The following ANO3 variants were observed in gnomAD, a reference collection of about 807,000 sequenced individuals.
ANO3 encodes the protein anoctamin-3.
ANO3 carries 99 observed loss-of-function variants against 144.8 expected under a neutral mutation model. The ratio of observed to expected loss-of-function variants is 0.68; its 90% confidence interval spans 0.58 to 0.81. The LOEUF is 0.81. Among genes scored for constraint, ANO3 ranks in the 30% least tolerant of loss-of-function variants. The pLI is 0.00. For missense variants in ANO3, 905 were observed against 1,202.2 expected, an observed-to-expected ratio of 0.75 and a Z score of 3.66; for synonymous variants, 414 against 392.6, an observed-to-expected ratio of 1.05 and a Z score of -0.64.
chr11:26,467,554 G>A (rs1446559435), intron 4 of ANO3, among the ~76,000 whole-genome samples: 2 of 151,838 alleles, frequency 1.3e-5, no homozygotes, highest in African/African-American at 4.8e-5. Context: ...GTGCCTGACT[G>A]ATTTCCTTTA....
chr11:26,607,109 G>C (rs916169206), intron 17 of ANO3, among the ~76,000 whole-genome samples: 9 of 151,976 alleles, frequency 5.9e-5, no homozygotes, highest in African/African-American at 2.2e-4. Flanking sequence ...TCAAATATTG[G>C]CCCCACTCTC....
At chr11:26,553,946 T>C (rs1195383983) in intron 13 of ANO3, among the ~76,000 whole-genome samples, 1 of 152,188 alleles carries the variant, frequency 6.6e-6, no homozygotes, top group Non-Finnish European at 1.5e-5. Flanking sequence ...TATAGAAGTG[T>C]AATTAACATG....
chr11:26,505,751 T>C (rs148125152), intron 4 of ANO3, among the ~76,000 whole-genome samples: 173 of 152,058 alleles, frequency 1.1e-3, no homozygotes, highest in African/African-American at 4.0e-3. Flanking sequence ...GGCGGGCGGA[T>C]CACGAGGCCA....
At chr11:26,436,140 G>A (rs4923358) in intron 1 of ANO3, among the ~76,000 whole-genome samples, 145,076 of 152,210 alleles carry the variant, frequency 0.95, 69,297 homozygotes, top group East Asian at 1. Flanking sequence ...TGGGATCTGC[G>A]TTGAGAACAG....
At chr11:26,496,932 T>C (rs548085790) in intron 4 of ANO3, among the ~76,000 whole-genome samples, 6 of 149,868 alleles carry the variant, frequency 4.0e-5, no homozygotes, top group Non-Finnish European at 7.4e-5. Flanking sequence ...AAAATCAACC[T>C]AAGCATTCAT....
At chr11:26,251,503 G>A (rs143229013) in intron 1 of ANO3, among the ~76,000 whole-genome samples, 26 of 152,252 alleles carry the variant, frequency 1.7e-4, no homozygotes, top group African/African-American at 6.0e-4. Context: ...GCAAATGAAT[G>A]AATCACATTT....
chr11:26,630,824 G>C lies in ANO3; in HGVS notation c.1874-3380G>C, dbSNP rs189398779. On this transcript the variant is annotated intron_variant, in intron 18 of 26. Transcript: ENST00000256737. ...CTATGCTGTATTAAGTCAATATTAC[G>C]TTAATCTCACCAAGCAAGTTGAATT... Among the ~76,000 whole-genome samples, 329 of 152,172 alleles carry C rather than the reference G, an allele frequency of 2.2e-3. 3 individuals carry two copies. In the Middle Eastern group the frequency reaches 0.024, roughly 11 times the overall value.
At chr11:26,311,591 C>T (rs1285727323) in intron 1 of ANO3, among the ~76,000 whole-genome samples, 1 of 152,176 alleles carries the variant, frequency 6.6e-6, no homozygotes, top group Non-Finnish European at 1.5e-5. Context: ...GAAGATATTA[C>T]TAAAGAGGAG....
intron 1 of ANO3, among the ~76,000 whole-genome samples, chr11:26,311,283 T>A (rs1407910994): frequency 1.3e-5 from 2 of 152,188 alleles, no homozygotes; most frequent in Non-Finnish European, 2.9e-5. Flanking sequence ...GTGCTACTAC[T>A]AGGATTAGAT....
intron 1 of ANO3, among the ~76,000 whole-genome samples, chr11:26,201,268 A>G (rs1266302536): frequency 2.6e-5 from 4 of 152,110 alleles, no homozygotes; most frequent in African/African-American, 9.7e-5. Flanking sequence ...ATTTTCATAC[A>G]CCCCATATTA....
At chr11:26,657,494 A>G (rs560698802) in intron 26 of ANO3, among the ~76,000 whole-genome samples, 1 of 152,264 alleles carries the variant, frequency 6.6e-6, no homozygotes, top group East Asian at 1.9e-4. Context: ...GCTCAAATGA[A>G]CAAAGTTAAT....
chr11:26,346,697 G>A (rs1000501898), intron 1 of ANO3, among the ~76,000 whole-genome samples: 2 of 152,170 alleles, frequency 1.3e-5, no homozygotes, highest in African/African-American at 4.8e-5. Context: ...TGCCTACCAA[G>A]TGCCAGGTAC....
At chr11:26,194,931 A>G (rs1466798642) in intron 1 of ANO3, among the ~76,000 whole-genome samples, 1 of 152,192 alleles carries the variant, frequency 6.6e-6, no homozygotes, top group Admixed American at 6.5e-5. Flanking sequence ...TAATAATCAC[A>G]TCATAGTAAA....
At chr11:26,392,417 CTG>C (rs1456502019) in intron 1 of ANO3, among the ~76,000 whole-genome samples, 2 of 151,960 alleles carry the variant, frequency 1.3e-5, no homozygotes, top group Admixed American at 6.6e-5. Context: ...TTGATATACT[CTG>C]TGGTATAAAT....
chr11:26,248,031 G>A (rs12279570), intron 1 of ANO3, among the ~76,000 whole-genome samples: 2,379 of 151,920 alleles, frequency 0.016, 47 homozygotes, highest in African/African-American at 0.055. Flanking sequence ...ATACCTGGAC[G>A]CTCCAGTCAT....
intron 1 of ANO3, among the ~76,000 whole-genome samples, chr11:26,421,052 CT>C (rs981660393): frequency 1.3e-5 from 2 of 151,978 alleles, no homozygotes; most frequent in African/African-American, 2.4e-5. Flanking sequence ...ACACAAGTTT[CT>C]AAGTCCTTTG....
chr11:26,516,965 A>G, intron 6 of ANO3, 38 bp downstream of exon 6: 1 of 1,259,104 alleles, frequency 7.9e-7, no homozygotes, highest in Non-Finnish European at 1.1e-6. Flanking sequence ...CTCAATATAT[A>G]TTAAAATGAG....
At chr11:26,311,077 T>C (rs935955719) in intron 1 of ANO3, among the ~76,000 whole-genome samples, 7 of 152,118 alleles carry the variant, frequency 4.6e-5, no homozygotes, top group African/African-American at 7.2e-5. Flanking sequence ...GTTTACGGAA[T>C]GGAAATTAGA....
chr11:26,565,827 G>T, intron 14 of ANO3: 1 of 1,612,606 alleles, frequency 6.2e-7, no homozygotes, highest in Non-Finnish European at 8.5e-7. Flanking sequence ...AAACAACGTT[G>T]AAATCAACAG....
Sources: gnomAD v4.1 joint callset for allele counts (sites outside exome capture counted in the v4.1 genomes callset) on GRCh38, gnomAD v4.1.1 for gene constraint, MANE v1.5 for transcripts, NCBI Gene and HGNC (gene_info 2026-07-23, HGNC 2026-07-21) for gene names.